The following AZU1 variants were observed in gnomAD, a reference collection of about 807,000 sequenced individuals.
AZU1 encodes azurocidin 1, also known as azurocidin.
Under a neutral mutation model 17.8 loss-of-function variants are expected in AZU1, and 21 were observed. The ratio of observed to expected loss-of-function variants is 1.18; its 90% CI spans 0.84 to 1.70. The LOEUF is 1.70. Among genes scored for constraint, AZU1 ranks in the 40% most tolerant of loss-of-function variants. AZU1 has a pLI of 0.00. For synonymous variants in AZU1, 178 were observed against 155.2 expected (o/e 1.15, Z -1.09); for missense variants, 379 against 362.9 (o/e 1.04, Z -0.36).
intron 4 of AZU1, chr19:831,186 T>C (rs2035284125): frequency 4.0e-6 from 2 of 495,364 alleles, no homozygotes; most frequent in Non-Finnish European, 7.1e-6. Context: ...GTTCAAGCGA[T>C]TCTCCTGCCT....
At position 831,504 on chromosome 19, in the gene AZU1, G is replaced by A. The variant is rs529623115; in HGVS notation, c.595-212G>A. On this transcript the variant is annotated intron_variant, in intron 4 of 4. Coordinates refer to ENST00000233997, the MANE Select transcript of AZU1 (RefSeq NM_001700.5). ...GTGATTGCCAGGGGAGGGGCACCTG[G>A]CCCAGCCTGGAGGTGCCAGGAAGCT... The A allele has an allele frequency of 1.1e-4, 60 of 565,766 alleles. 3 individuals carry two copies. In the South Asian group the frequency reaches 1.7e-3, roughly 16 times the overall value. 35.0% of individuals were successfully genotyped at this position (565,766 alleles called of 1,614,324 possible).
In AZU1 at chr19:831,730, C is replaced by T. The variant is rs762175684; in HGVS notation, c.609C>T (p.Thr203=). Residue 203 remains threonine (T), a synonymous_variant, in exon 5 of 5, where the codon ACC becomes ACT. Coordinates refer to ENST00000233997, the MANE Select transcript of AZU1 (RefSeq NM_001700.5). ...TGCCTGCCCAGGGGGACGGGGGCACCCCCCTCGTCTGCGAGGGCCTGGCCC... is the reference window on the plus strand; with the variant it reads ...TGCCTGCCCAGGGGGACGGGGGCACTCCCCTCGTCTGCGAGGGCCTGGCCC... ...RGGICNGDGG[T]PLVCEGLAHG... The T allele has an allele frequency of 4.4e-5, 71 of 1,607,416 alleles. 1 individual carries two copies. In the South Asian group the frequency reaches 7.4e-4, roughly 17 times the overall value.
At chr19:829,536 TCTG>T in intron 2 of AZU1, 23 bp from the exon 3 acceptor site, 1 of 1,609,758 alleles carries the variant, frequency 6.2e-7, no homozygotes, top group Non-Finnish European at 8.5e-7. Context: ...GTGTCCTCCC[TCTG>T]CCCTTTCCTC....
chr19:830,990 C>G (rs573452523), intron 4 of AZU1, 49 bp downstream of exon 4: 3 of 1,557,430 alleles, frequency 1.9e-6, no homozygotes, highest in South Asian at 1.1e-5. Flanking sequence ...GTACTGAGCT[C>G]TCCGTGGCAG....
In AZU1 at chr19:830,849, A is replaced by G; in HGVS notation, c.502A>G (p.Arg168Gly). 6.2e-7 allele frequency: 1 copy of G among 1,608,506 alleles called. No homozygotes were observed. The highest frequency in any genetic ancestry group is 8.5e-7 in the Non-Finnish European group (1 of 1,179,968). Residue 168 changes from arginine (R) to glycine (G), a missense_variant, in exon 4 of 5, where the codon AGG becomes GGG. Arg to Gly is a moderately radical substitution (Grantham distance 125). Transcript: ENST00000233997. ...TGGGGGGCGTCTCTCCCGTTTTCCC[A>G]GGTTTGTCAACGTGACTGTGACCCC... is the stretch of plus-strand genomic sequence containing the variant. ...RSGGRLSRFP[R>G]FVNVTVTPED... is the part of the protein sequence containing the mutation.
At chr19:830,116 C>G (rs540985196) in intron 3 of AZU1, among the ~76,000 whole-genome samples, 1 of 151,972 alleles carries the variant, frequency 6.6e-6, no homozygotes, top group Non-Finnish European at 1.5e-5. Context: ...AAAAATTAGC[C>G]AGGCATGGCA....
chr19:828,078 G>A (rs1165668122), intron 1 of AZU1, 152 bp from the exon 2 acceptor site: 4 of 1,321,496 alleles, frequency 3.0e-6, no homozygotes, highest in African/African-American at 2.9e-5. Context: ...GGACTCAGGG[G>A]CCCCCTGTCC....
chr19:831,081 T>A, intron 4 of AZU1, 140 bp downstream of exon 4: 4 of 175,284 alleles, frequency 2.3e-5, no homozygotes, highest in Non-Finnish European at 4.3e-5. Flanking sequence ...AAACAGTATC[T>A]TTTTTTTTTT....
At chr19:828,087 C>T (rs2035236770) in intron 1 of AZU1, 143 bp from the exon 2 acceptor site, 2 of 1,326,920 alleles carry the variant, frequency 1.5e-6, no homozygotes, top group Non-Finnish European at 2.1e-6. Context: ...GGCCCCCTGT[C>T]CTCTTAGGGA....
intron 3 of AZU1, 135 bp downstream of exon 3, chr19:829,841 T>TGCTTC: frequency 7.7e-7 from 1 of 1,294,692 alleles, no homozygotes; most frequent in East Asian, 2.5e-5. Context: ...GTGGCCCCTG[T>TGCTTC]GCTTCAGGAG....
In AZU1 at chr19:828,374, G is replaced by T. The variant is rs2035241206; in HGVS notation, c.203G>T (p.Cys68Phe). 6.3e-7 allele frequency: 1 copy of T among 1,589,310 alleles called. No individual in the cohort carries two copies. Among genetic ancestry groups the T allele is most frequent in the Non-Finnish European group, 8.6e-7 (1 of 1,166,826 alleles). ...CGCTTCGTGATGACCGCGGCCAGCT[G>T]CTTCCAAAGCCAGTGAGGGGTCCTG... The part of the protein sequence containing the change: ...HARFVMTAAS[C>F]FQSQNPGVST... The change falls in exon 2 of 5, where the codon TGC becomes TTC. Residue 68 changes from cysteine to phenylalanine, a missense_variant. Physicochemically the swap from Cys to Phe is radical, Grantham distance 205. Transcript: ENST00000233997.
At chr19:829,518 C>G (rs570286671) in intron 2 of AZU1, 44 bp from the exon 3 acceptor site, 3 of 1,602,024 alleles carry the variant, frequency 1.9e-6, no homozygotes, top group South Asian at 2.2e-5. Flanking sequence ...TGCCCAGGCC[C>G]CAGCCTGGTG....
intron 3 of AZU1, 112 bp from the exon 4 acceptor site, chr19:830,596 C>A: frequency 2.0e-6 from 2 of 981,748 alleles, no homozygotes; most frequent in Non-Finnish European, 2.9e-6. Flanking sequence ...GGGAATTAAA[C>A]GCAAACCACT....
rs777566662 is a variant in AZU1, at chr19:828,364, G to A, written c.193G>A (p.Ala65Thr). The change falls in exon 2 of 5, where the codon GCG becomes ACG. Residue 65 changes from alanine to threonine, a missense_variant. Transcript: ENST00000233997. Reference protein sequence around the residue: ...ALIHARFVMTAASCFQSQNPG... With the variant: ...ALIHARFVMTTASCFQSQNPG... Reference sequence around the variant, plus strand: ...GATCCATGCCCGCTTCGTGATGACCGCGGCCAGCTGCTTCCAAAGCCAGTG... The same window carrying A: ...GATCCATGCCCGCTTCGTGATGACCACGGCCAGCTGCTTCCAAAGCCAGTG... 17 of 1,593,182 alleles carry A rather than the reference G, an allele frequency of 1.1e-5. No individual in the cohort carries two copies. Among genetic ancestry groups the A allele is most frequent in the Middle Eastern group, 1.7e-4 (1 of 6,004 alleles).
At chr19:829,460 C>T in intron 2 of AZU1, 102 bp from the exon 3 acceptor site, 2 of 1,432,764 alleles carry the variant, frequency 1.4e-6, no homozygotes, top group South Asian at 1.3e-5. Flanking sequence ...TGAAGGATTG[C>T]AGTCTGCAGG....
intron 2 of AZU1, among the ~76,000 whole-genome samples, chr19:829,190 AGGTGCAGAG>A (rs1270951892): frequency 3.5e-5 from 3 of 86,866 alleles, no homozygotes; most frequent in Admixed American, 1.4e-4. Context: ...CAGATGGGGG[AGGTGCAGAG>A]AAGGGAAGGG....
In AZU1 at chr19:828,211, C is replaced by T; in HGVS notation, c.59-19C>T. On this transcript the variant is annotated intron_variant, in intron 1 of 4. Coordinates refer to ENST00000233997, the MANE Select transcript of AZU1 (RefSeq NM_001700.5). ...GTGTGGATTCTTGGGGATCTCAGAG[C>T]TGTCTCCCCCCGACCCAGGCTCCAG... The T allele has an allele frequency of 1.9e-6, 3 of 1,579,758 alleles. No individual in the cohort carries two copies. Among genetic ancestry groups the T allele is most frequent in the African/African-American group, 1.4e-5 (1 of 73,590 alleles).
chr19:828,191 G>C (rs1390191253), intron 1 of AZU1, 39 bp from the exon 2 acceptor site: 2 of 1,556,740 alleles, frequency 1.3e-6, no homozygotes, highest in Non-Finnish European at 8.7e-7. Flanking sequence ...CCACTGTGTG[G>C]ATTCTTGGGG....
intron 4 of AZU1, 105 bp from the exon 5 acceptor site, chr19:831,611 G>T: frequency 7.9e-7 from 1 of 1,271,774 alleles, no homozygotes; most frequent in South Asian, 1.5e-5. Flanking sequence ...CCCTGGGGCT[G>T]GATCAGGACT....
Sources: gnomAD v4.1 joint callset for allele counts (sites outside exome capture counted in the v4.1 genomes callset) on GRCh38, gnomAD v4.1.1 for gene constraint, MANE v1.5 for transcripts, NCBI Gene and HGNC (gene_info 2026-07-23, HGNC 2026-07-21) for gene names.